ALK: variants seen among roughly 807,000 people sequenced by gnomAD.
The protein encoded by ALK is ALK tyrosine kinase receptor.
ALK carries 74 observed loss-of-function variants against 163.1 expected under a neutral mutation model. The ratio of observed to expected loss-of-function variants is 0.45; its 90% CI spans 0.38 to 0.55. ALK has a LOEUF of 0.55. Ranked by LOEUF, ALK falls within the 20% of genes least tolerant of loss-of-function variation. The pLI is 0.00. For synonymous variants in ALK, 960 were observed against 843.2 expected, an observed-to-expected ratio of 1.14 and a Z score of -2.40; for missense variants, 2,063 against 2,105.3, an observed-to-expected ratio of 0.98 and a Z score of 0.39.
intron 5 of ALK, among the ~76,000 whole-genome samples, chr2:29,382,975 C>A (rs185435410): frequency 5.8e-4 from 88 of 152,324 alleles, no homozygotes; most frequent in Non-Finnish European, 7.2e-4. Context: ...CCCTTTCACA[C>A]ACCACTTCCC....
chr2:29,558,809 A>T (rs1282819385), intron 3 of ALK, among the ~76,000 whole-genome samples: 1 of 152,198 alleles, frequency 6.6e-6, no homozygotes, highest in Admixed American at 6.6e-5. Flanking sequence ...TTCAGCATTC[A>T]TTCATTCTCT....
At chr2:29,371,883 C>T (rs1381037503) in intron 5 of ALK, among the ~76,000 whole-genome samples, 2 of 152,144 alleles carry the variant, frequency 1.3e-5, no homozygotes, top group Admixed American at 6.5e-5. Context: ...TGGAGTGATG[C>T]CTTACTATTG....
At chr2:29,271,874 T>C (rs6732925) in intron 11 of ALK, among the ~76,000 whole-genome samples, 135,484 of 152,274 alleles carry the variant, frequency 0.89, 61,585 homozygotes, top group Non-Finnish European at 0.99. Flanking sequence ...CAAGGCTCCA[T>C]AGTTAGGGTT....
At chr2:29,751,711 G>C (rs1680370658) in intron 1 of ALK, among the ~76,000 whole-genome samples, 1 of 152,144 alleles carries the variant, frequency 6.6e-6, no homozygotes, top group Non-Finnish European at 1.5e-5. Flanking sequence ...CTGAGGCAGT[G>C]ACCACCTTTC....
chr2:29,560,965 T>G (rs1674006581), intron 3 of ALK, among the ~76,000 whole-genome samples: 1 of 152,184 alleles, frequency 6.6e-6, no homozygotes, highest in Admixed American at 6.5e-5. Context: ...GAAATGTCAT[T>G]AATATGTAAT....
In ALK at chr2:29,704,873, T is replaced by C. The variant is rs551978608; in HGVS notation, c.788-9859A>G. 3.9e-5 allele frequency among the ~76,000 whole-genome samples: 6 copies of C among 152,228 alleles called. 1 individual carries two copies. The South Asian group carries it at 1.2e-3, about 32-fold the overall frequency. On this transcript the variant is annotated intron_variant, in intron 2 of 28. Transcript: ENST00000389048. ...TCAGCCTTGTGCTTGGGGCAATTCA[T>C]TTAACCACTTGAGTCTTGGTTTTCT...
chr2:29,858,580 A>C (rs1343100178), intron 1 of ALK, among the ~76,000 whole-genome samples: 1 of 143,316 alleles, frequency 7.0e-6, no homozygotes, highest in African/African-American at 2.7e-5. Context: ...TAAAAATACA[A>C]AAAAAAAAAA....
chr2:29,826,147 G>A (rs1558505589), intron 1 of ALK, among the ~76,000 whole-genome samples: 1 of 152,080 alleles, frequency 6.6e-6, no homozygotes. Context: ...GCCATGGCCT[G>A]CTATTCTGTA....
At chr2:29,200,761 G>GTA (rs1360660368) in intron 26 of ALK, among the ~76,000 whole-genome samples, 2 of 10,466 alleles carry the variant, frequency 1.9e-4, no homozygotes, top group Non-Finnish European at 3.3e-4. Context: ...ACGTATATAT[G>GTA]TATATATATA....
chr2:29,554,253 A>T (rs1673788254), intron 3 of ALK, among the ~76,000 whole-genome samples: 1 of 152,206 alleles, frequency 6.6e-6, no homozygotes, highest in African/African-American at 2.4e-5. Context: ...GGAAAAAGGG[A>T]AAACCTTTGT....
At chr2:29,899,878 C>T (rs1667368160) in intron 1 of ALK, among the ~76,000 whole-genome samples, 1 of 152,020 alleles carries the variant, frequency 6.6e-6, no homozygotes, top group Admixed American at 6.5e-5. Flanking sequence ...ATACCACACC[C>T]TTGATTGTTG....
intron 5 of ALK, among the ~76,000 whole-genome samples, chr2:29,375,251 C>A (rs1325957495): frequency 6.6e-6 from 1 of 152,168 alleles, no homozygotes; most frequent in Non-Finnish European, 1.5e-5. Context: ...TCTCACTGAC[C>A]CTCAGCATGA....
In ALK at chr2:29,215,940, G is replaced by A. The variant is rs111942913; in HGVS notation, c.3646-1859C>T. Among the ~76,000 whole-genome samples the A allele has an allele frequency of 7.2e-3, 1,098 of 152,258 alleles. 6 individuals carry two copies. Among genetic ancestry groups the A allele is most frequent in the Non-Finnish European group, 0.01 (684 of 68,010 alleles). Reference sequence around the variant, plus strand: ...CAGGAGCACCCACGCCAGCAGCCTCGGGCAGTGCCTCATCAGGGGACCCGA... The same window carrying A: ...CAGGAGCACCCACGCCAGCAGCCTCAGGCAGTGCCTCATCAGGGGACCCGA... On this transcript the variant is annotated intron_variant, in intron 23 of 28. Transcript: ENST00000389048.
At chr2:29,892,781 C>T (rs1667177962) in intron 1 of ALK, among the ~76,000 whole-genome samples, 1 of 152,178 alleles carries the variant, frequency 6.6e-6, no homozygotes, top group Non-Finnish European at 1.5e-5. Context: ...CTTCCCTGCT[C>T]CCACACACAT....
chr2:29,307,935 G>C (rs955590760), intron 8 of ALK, among the ~76,000 whole-genome samples: 1 of 152,112 alleles, frequency 6.6e-6, no homozygotes, highest in African/African-American at 2.4e-5. Context: ...TAGAAGCCAG[G>C]GAACACCAGT....
chr2:29,394,173 A>T (rs1027801008), intron 4 of ALK, among the ~76,000 whole-genome samples: 3 of 152,160 alleles, frequency 2.0e-5, no homozygotes, highest in African/African-American at 7.2e-5. Context: ...TAAGGATCTA[A>T]GTTGATTCCC....
rs148307613 is a variant in ALK at position 29,727,217 on chromosome 2, T to C, written c.668-9520A>G. Among the ~76,000 whole-genome samples the C allele has an allele frequency of 1.1e-4, 17 of 152,302 alleles. No individual in the cohort carries two copies. In the East Asian group the frequency reaches 3.3e-3, roughly 29 times the overall value. ...TGCCTGGATCCTTGAAATTGGTCCT[T>C]GGCTTGTCCAAGGGAAGATGCTTAG... is the stretch of plus-strand genomic sequence containing the variant. On this transcript the variant is annotated intron_variant, in intron 1 of 28. Transcript: ENST00000389048.
At chr2:29,206,547 C>CA (rs1218545348) in intron 26 of ALK, among the ~76,000 whole-genome samples, 1 of 152,114 alleles carries the variant, frequency 6.6e-6, no homozygotes, top group African/African-American at 2.4e-5. Context: ...ATTGGGATTA[C>CA]AGGCATGAGC....
chr2:29,743,923 T>C (rs1680132651), intron 1 of ALK, among the ~76,000 whole-genome samples: 2 of 151,080 alleles, frequency 1.3e-5, no homozygotes, highest in Non-Finnish European at 2.9e-5. Context: ...GGTCTCGAGA[T>C]ACATAAAATC....
Sources: gnomAD v4.1 joint callset for allele counts (sites outside exome capture counted in the v4.1 genomes callset) on GRCh38, gnomAD v4.1.1 for gene constraint, MANE v1.5 for transcripts, NCBI Gene and HGNC (gene_info 2026-07-23, HGNC 2026-07-21) for gene names.